The following OTUD3 variants were observed in gnomAD, a reference collection of about 807,000 sequenced individuals.
OTUD3 encodes OTU domain-containing protein 3.
In OTUD3, 24 loss-of-function variants were observed where a neutral mutation model predicts 46.2. That is an observed-to-expected ratio of 0.52 (90% CI 0.38 to 0.73). The LOEUF (loss-of-function observed/expected upper bound fraction) is 0.73, where lower values mean the gene tolerates loss of function less well. Ranked by LOEUF, OTUD3 falls within the 30% of genes least tolerant of loss-of-function variation. OTUD3 has a pLI of 0.00. For missense variants in OTUD3, 455 were observed against 523.3 expected (o/e 0.87, Z 1.27); for synonymous variants, 189 against 195.4 (o/e 0.97, Z 0.27).
At chr1:19,905,806 A>G (rs544189739) in intron 6 of OTUD3, among the ~76,000 whole-genome samples, 68 of 152,350 alleles carry the variant, frequency 4.5e-4, no homozygotes, top group Non-Finnish European at 8.7e-4. Flanking sequence ...AATGATATCA[A>G]TAAATACTGA....
chr1:19,904,740 A>G (rs1262087552), intron 5 of OTUD3, 151 bp from the exon 6 acceptor site: 2 of 593,794 alleles, frequency 3.4e-6, no homozygotes, highest in Non-Finnish European at 6.0e-6. Context: ...CTTATTGGAA[A>G]TCGACATTTT....
At chr1:19,905,909 T>G (rs1435922855) in intron 6 of OTUD3, among the ~76,000 whole-genome samples, 1 of 152,226 alleles carries the variant, frequency 6.6e-6, no homozygotes, top group Non-Finnish European at 1.5e-5. Context: ...GGCTGTACTT[T>G]TAGAAATCTG....
At chr1:19,893,409 G>T (rs1340099729) in intron 2 of OTUD3, among the ~76,000 whole-genome samples, 2 of 152,010 alleles carry the variant, frequency 1.3e-5, no homozygotes, top group South Asian at 2.1e-4. Flanking sequence ...GTCTGGAAAG[G>T]TTCCAGACAC....
rs533746227 is a variant in OTUD3 at position 19,908,472 on chromosome 1, G to A, written c.*726G>A. On this transcript the variant is annotated 3_prime_UTR_variant, in exon 8 of 8. Coordinates refer to ENST00000375120, the MANE Select transcript of OTUD3 (RefSeq NM_015207.2). ...CTGGCCTTGTTGGGAAGTTGATAGT[G>A]GTGTTGGGTTTTTGGTATTTGTTTC... 3.9e-5 allele frequency: 6 copies of A among 152,472 alleles called. No homozygotes were observed. The East Asian group carries it at 1.1e-3, about 29-fold the overall frequency. 9.4% of individuals were successfully genotyped at this position (152,472 alleles called of 1,614,324 possible). A position where few individuals can be genotyped will look rare whatever the true frequency, so the allele number is the denominator to read the frequency against.
Position 19,882,644 on chromosome 1 carries a change from G to T in OTUD3, c.131G>T (p.Gly44Val). ...GAGCGGCGGAATCGGCCGGAGTCTG[G>T]CGGCGGCGGCGGCTGCGAGGAGGAG... ...AKERRNRPES[G>V]GGGGCEEEFV... Residue 44 changes from glycine to valine, a missense_variant, in exon 1 of 8, where the codon GGC becomes GTC. By Grantham distance (109) the Gly-to-Val change is moderately radical. Coordinates refer to ENST00000375120, the MANE Select transcript of OTUD3 (RefSeq NM_015207.2). 7.0e-7 allele frequency: 1 copy of T among 1,437,434 alleles called. No homozygotes were observed. Among genetic ancestry groups the T allele is most frequent in the East Asian group, 3.0e-5 (1 of 32,900 alleles). 89.0% of individuals were successfully genotyped at this position (1,437,434 alleles called of 1,614,324 possible).
chr1:19,894,963 A>C (rs1055584525), intron 3 of OTUD3, among the ~76,000 whole-genome samples: 3 of 152,220 alleles, frequency 2.0e-5, no homozygotes, highest in Non-Finnish European at 4.4e-5. Context: ...AAAGAGAAAA[A>C]AATTTTATTA....
intron 4 of OTUD3, among the ~76,000 whole-genome samples, chr1:19,902,396 A>G (rs577663333): frequency 6.6e-6 from 1 of 152,156 alleles, no homozygotes; most frequent in South Asian, 2.1e-4. Context: ...TAGTGGAGAC[A>G]GGGTTTCATC....
chr1:19,906,829 G>A (rs2045668305), intron 7 of OTUD3: 2 of 444,056 alleles, frequency 4.5e-6, no homozygotes, highest in Non-Finnish European at 8.1e-6. Context: ...AATACACCCT[G>A]AAATTGTCCT....
At chr1:19,886,823 T>C (rs2045368039) in intron 1 of OTUD3, among the ~76,000 whole-genome samples, 1 of 152,208 alleles carries the variant, frequency 6.6e-6, no homozygotes, top group Non-Finnish European at 1.5e-5. Flanking sequence ...CATTTTCATT[T>C]CTAACAACTG....
chr1:19,898,451 G>A (rs1000469321), intron 4 of OTUD3, among the ~76,000 whole-genome samples: 4 of 151,718 alleles, frequency 2.6e-5, no homozygotes, highest in African/African-American at 7.3e-5. Context: ...ATCATTGGCC[G>A]GGCGTGGTGG....
In OTUD3 at chr1:19,906,504, G is replaced by T. The variant is rs377681109; in HGVS notation, c.908G>T (p.Ser303Ile). Residue 303 changes from serine (S) to isoleucine (I), a missense_variant, in exon 7 of 8, where the codon AGT becomes ATT. Coordinates refer to ENST00000375120, the MANE Select transcript of OTUD3 (RefSeq NM_015207.2). ...QCGPLWEEGG[S>I]GARIFGNQGL... ...GGCCCTTTGTGGGAGGAGGGTGGCAGTGGTGCCAGAATCTTTGGAAATCAG... is the reference window on the plus strand; with the variant it reads ...GGCCCTTTGTGGGAGGAGGGTGGCATTGGTGCCAGAATCTTTGGAAATCAG... 6.2e-7 allele frequency: 1 copy of T among 1,614,140 alleles called. No homozygotes were observed. The highest frequency in any genetic ancestry group is 1.7e-5 in the Admixed American group (1 of 60,026).
chr1:19,886,081 G>A (rs754693481), intron 1 of OTUD3, among the ~76,000 whole-genome samples: 10 of 152,186 alleles, frequency 6.6e-5, no homozygotes, highest in Non-Finnish European at 1.2e-4. Context: ...CATATTTCAC[G>A]TGTTGTCTGG....
intron 6 of OTUD3, 22 bp from the exon 7 acceptor site, chr1:19,906,410 A>G: frequency 6.2e-7 from 1 of 1,610,476 alleles, no homozygotes; most frequent in South Asian, 1.1e-5. Flanking sequence ...CTCAGTTTTA[A>G]TGAAATGTCT....
chr1:19,907,326 G>A (rs2045673603), intron 7 of OTUD3, among the ~76,000 whole-genome samples: 1 of 152,186 alleles, frequency 6.6e-6, no homozygotes, highest in African/African-American at 2.4e-5. Context: ...AACTCTTGCT[G>A]GATGAGGGCT....
At position 19,888,240 on chromosome 1, in the gene OTUD3, A is replaced by C. The variant is rs539539907; in HGVS notation, c.222-2145A>C. Among the ~76,000 whole-genome samples, 3 of 152,342 alleles carry C rather than the reference A, an allele frequency of 2.0e-5. No homozygotes were observed. In the South Asian group the frequency reaches 6.2e-4, roughly 32 times the overall value. Reference sequence around the variant, plus strand: ...CCCACAACAAAAAAATGATCCTGGAATGTCAATAATGTGGAGATTGAGAAG... The same window carrying C: ...CCCACAACAAAAAAATGATCCTGGACTGTCAATAATGTGGAGATTGAGAAG... On this transcript the variant is annotated intron_variant, in intron 1 of 7. Transcript: ENST00000375120.
chr1:19,905,831 G>A (rs747371744), intron 6 of OTUD3, among the ~76,000 whole-genome samples: 10 of 152,174 alleles, frequency 6.6e-5, no homozygotes, highest in African/African-American at 9.7e-5. Context: ...CAGATGTTAC[G>A]TGTCAGATAC....
chr1:19,906,057 A>G (rs2045657343), intron 6 of OTUD3, among the ~76,000 whole-genome samples: 4 of 152,240 alleles, frequency 2.6e-5, no homozygotes, highest in Admixed American at 1.3e-4. Flanking sequence ...TTAAATGTAA[A>G]TGGCCACATA....
chr1:19,892,882 T>C (rs2045467191), intron 2 of OTUD3, among the ~76,000 whole-genome samples: 1 of 152,216 alleles, frequency 6.6e-6, no homozygotes, highest in African/African-American at 2.4e-5. Context: ...CCAGACTTTT[T>C]AGTTCTTCAT....
At chr1:19,904,111 A>C (rs1294732720) in intron 4 of OTUD3, among the ~76,000 whole-genome samples, 156 bp from the exon 5 acceptor site, 1 of 152,208 alleles carries the variant, frequency 6.6e-6, no homozygotes, top group Non-Finnish European at 1.5e-5. Context: ...TGAGTGGATA[A>C]AATGGAGCCT....
Sources: allele counts gnomAD v4.1 joint callset (sites outside exome capture counted in the v4.1 genomes callset), GRCh38; gene constraint gnomAD v4.1.1; transcripts MANE v1.5; gene names NCBI Gene and HGNC (gene_info 2026-07-23, HGNC 2026-07-21).